Variants in FHIT observed in about 807,000 individuals in gnomAD.
The protein encoded by FHIT is bis(5'-adenosyl)-triphosphatase.
A neutral mutation model predicts 17.9 loss-of-function variants in FHIT; 19 were observed. The ratio of observed to expected loss-of-function variants is 1.06; its 90% CI spans 0.74 to 1.56. The LOEUF is 1.56. Among genes scored for constraint, FHIT ranks in the 40% most tolerant of loss-of-function variants. The pLI, the probability that FHIT is intolerant of heterozygous loss-of-function variation, is 0.00. For missense variants in FHIT, 248 were observed against 189.2 expected (o/e 1.31, Z -1.82); for synonymous variants, 81 against 69.7 (o/e 1.16, Z -0.81).
chr3:60,356,773 A>C (rs973403731), intron 5 of FHIT, among the ~76,000 whole-genome samples: 4 of 133,612 alleles, frequency 3.0e-5, no homozygotes, highest in Non-Finnish European at 4.8e-5. Context: ...AAAAAAAAAA[A>C]AAAAAAACGG....
intron 4 of FHIT, among the ~76,000 whole-genome samples, chr3:60,745,413 G>A (rs573551879): frequency 1.7e-4 from 26 of 152,330 alleles, no homozygotes; most frequent in African/African-American, 5.3e-4. Flanking sequence ...GAGTGATGAA[G>A]ATGGAGAGTT....
At chr3:59,875,829 G>C (rs1421030633) in intron 8 of FHIT, among the ~76,000 whole-genome samples, 1 of 151,750 alleles carries the variant, frequency 6.6e-6, no homozygotes, top group African/African-American at 2.4e-5. Flanking sequence ...TATTCATATG[G>C]ATTCATATGC....
At chr3:59,903,195 C>T (rs541994006) in intron 8 of FHIT, among the ~76,000 whole-genome samples, 19 of 152,256 alleles carry the variant, frequency 1.2e-4, no homozygotes, top group African/African-American at 4.1e-4. Flanking sequence ...CACACCACCA[C>T]ATAATGTATG....
chr3:61,244,927 C>T, intron 1 of FHIT, among the ~76,000 whole-genome samples: 1 of 152,162 alleles, frequency 6.6e-6, no homozygotes, highest in East Asian at 1.9e-4. Context: ...GTGTGCTTTT[C>T]TCTCGTTAAT....
At chr3:60,383,202 A>G (rs1700878126) in intron 5 of FHIT, among the ~76,000 whole-genome samples, 1 of 152,132 alleles carries the variant, frequency 6.6e-6, no homozygotes, top group Non-Finnish European at 1.5e-5. Context: ...TGACTTCCTA[A>G]AGCTGTAATG....
intron 5 of FHIT, among the ~76,000 whole-genome samples, chr3:60,377,676 T>G (rs1576565167): frequency 6.9e-6 from 1 of 145,216 alleles, no homozygotes; most frequent in Non-Finnish European, 1.5e-5. Context: ...AGAGACGGGG[T>G]TTCACCTTGT....
chr3:59,775,732 G>C lies in FHIT; in HGVS notation c.349-23411C>G, dbSNP rs1032950667. ...TTGTCACAGCCAGAAGTTTCAGATT[G>C]TGGTCATCAGATGAACGCTTTAAAT... On this transcript the variant is annotated intron_variant, in intron 8 of 9. Transcript: ENST00000492590. 3.3e-5 allele frequency among the ~76,000 whole-genome samples: 5 copies of C among 152,266 alleles called. No individual in the cohort carries two copies. In the South Asian group the frequency reaches 1.0e-3, roughly 32 times the overall value.
intron 4 of FHIT, among the ~76,000 whole-genome samples, chr3:60,740,378 C>A (rs1439286502): frequency 6.6e-6 from 1 of 152,156 alleles, no homozygotes; most frequent in African/African-American, 2.4e-5. Flanking sequence ...AGGAGATAAT[C>A]AATGTACCTA....
At chr3:60,841,683 C>T (rs1002897550) in intron 3 of FHIT, among the ~76,000 whole-genome samples, 3 of 152,086 alleles carry the variant, frequency 2.0e-5, no homozygotes, top group Non-Finnish European at 2.9e-5. Context: ...AACAAGAAAC[C>T]GCAAATGAAG....
At chr3:60,286,965 A>G (rs1707756586) in intron 5 of FHIT, among the ~76,000 whole-genome samples, 1 of 152,192 alleles carries the variant, frequency 6.6e-6, no homozygotes, top group African/African-American at 2.4e-5. Flanking sequence ...TTTACTTCAA[A>G]TAAATGCTGT....
rs60541721 is a variant in FHIT, at chr3:61,060,810, C to G, written c.-163-18711G>C. On this transcript the variant is annotated intron_variant, in intron 2 of 9. Coordinates refer to ENST00000492590, the MANE Select transcript of FHIT (RefSeq NM_002012.4). ...CTGTCAATGTCAATCAGTCACTGTT[C>G]TTACAGCCTGGCTGGCTTTTCATCT... Among the ~76,000 whole-genome samples the G allele has an allele frequency of 9.0e-3, 1,377 of 152,330 alleles. 15 individuals carry two copies. The highest frequency in any genetic ancestry group is 0.03 in the African/African-American group (1,260 of 41,584).
chr3:61,105,752 C>A (rs2035971102), intron 2 of FHIT, among the ~76,000 whole-genome samples: 1 of 152,120 alleles, frequency 6.6e-6, no homozygotes, highest in South Asian at 2.1e-4. Flanking sequence ...CCTTCACAAC[C>A]AGCCTATCAA....
intron 1 of FHIT, among the ~76,000 whole-genome samples, chr3:61,236,242 T>C (rs1203908423): frequency 6.8e-6 from 1 of 147,748 alleles, no homozygotes; most frequent in South Asian, 2.1e-4. Flanking sequence ...TATAGATATA[T>C]AAATATAAAT....
intron 5 of FHIT, among the ~76,000 whole-genome samples, chr3:60,421,814 A>G (rs1386776201): frequency 6.6e-6 from 1 of 152,150 alleles, no homozygotes; most frequent in East Asian, 1.9e-4. Flanking sequence ...GAGAATTGGG[A>G]AAATACAGCT....
intron 2 of FHIT, among the ~76,000 whole-genome samples, chr3:61,061,785 C>T (rs1385562287): frequency 1.3e-5 from 2 of 152,070 alleles, no homozygotes; most frequent in East Asian, 1.9e-4. Flanking sequence ...CACGTTATTG[C>T]AAAACATGTA....
intron 5 of FHIT, among the ~76,000 whole-genome samples, chr3:60,331,329 C>T (rs2106854105): frequency 6.6e-6 from 1 of 152,308 alleles, no homozygotes; most frequent in Non-Finnish European, 1.5e-5. Flanking sequence ...CCTCTCCCCA[C>T]ATGTCCCTAA....
chr3:60,481,280 A>T (rs201917597), intron 5 of FHIT, among the ~76,000 whole-genome samples: 151 of 152,316 alleles, frequency 9.9e-4, no homozygotes, highest in Non-Finnish European at 2.0e-3. Flanking sequence ...AGCTTCCCCA[A>T]CCTAGCAAGA....
chr3:60,653,026 G>A (rs1404046070), intron 4 of FHIT, among the ~76,000 whole-genome samples: 1 of 152,108 alleles, frequency 6.6e-6, no homozygotes, highest in Non-Finnish European at 1.5e-5. Flanking sequence ...CTTCAAGCTT[G>A]CTATTCACAA....
At chr3:61,033,614 T>C (rs1312095995) in intron 3 of FHIT, among the ~76,000 whole-genome samples, 1 of 152,214 alleles carries the variant, frequency 6.6e-6, no homozygotes, top group African/African-American at 2.4e-5. Context: ...AGTATATTTC[T>C]ATTGGACAGC....
Sources: allele counts gnomAD v4.1 joint callset (sites outside exome capture counted in the v4.1 genomes callset), GRCh38; gene constraint gnomAD v4.1.1; transcripts MANE v1.5; gene names NCBI Gene and HGNC (gene_info 2026-07-23, HGNC 2026-07-21).